ABCC4: variants seen among roughly 807,000 people sequenced by gnomAD.
The protein encoded by ABCC4 is ATP-binding cassette sub-family C member 4.
In ABCC4, 102 loss-of-function variants were observed where a neutral mutation model predicts 168.5. The ratio of observed to expected loss-of-function variants is 0.61; its 90% confidence interval spans 0.52 to 0.71. ABCC4 has a LOEUF of 0.71. ABCC4 is among the 30% of genes least tolerant of loss of function. ABCC4 has a pLI of 0.00. For synonymous variants in ABCC4, 617 were observed against 590.7 expected, an observed-to-expected ratio of 1.04 and a Z score of -0.65; for missense variants, 1,402 against 1,605.8, an observed-to-expected ratio of 0.87 and a Z score of 2.17.
At chr13:95,042,542 A>C (rs2032406106) in intron 29 of ABCC4, among the ~76,000 whole-genome samples, 3 of 152,226 alleles carry the variant, frequency 2.0e-5, no homozygotes, top group Non-Finnish European at 4.4e-5. Context: ...TGCTTTGTAG[A>C]ACCATGTTCA....
intron 25 of ABCC4, among the ~76,000 whole-genome samples, chr13:95,068,243 A>T (rs1020823464): frequency 1.6e-4 from 25 of 152,176 alleles, no homozygotes; most frequent in African/African-American, 5.1e-4. Flanking sequence ...GAATATACAC[A>T]CAAAAAGTGG....
intron 19 of ABCC4, among the ~76,000 whole-genome samples, chr13:95,124,768 C>T (rs936143412): frequency 6.9e-6 from 1 of 144,792 alleles, no homozygotes; most frequent in Non-Finnish European, 1.5e-5. Context: ...GTAGTCCCGG[C>T]TACTCGTGAG....
intron 15 of ABCC4, 94 bp from the exon 16 acceptor site, chr13:95,164,612 A>G (rs2037212159): frequency 7.2e-7 from 1 of 1,382,730 alleles, no homozygotes; most frequent in Non-Finnish European, 1.0e-6. Context: ...GTGGGGAAAC[A>G]GGCAGAAGTC....
chr13:95,233,433 G>A (rs1216581710), intron 4 of ABCC4, among the ~76,000 whole-genome samples: 1 of 152,004 alleles, frequency 6.6e-6, no homozygotes, highest in Non-Finnish European at 1.5e-5. Flanking sequence ...TCACTTATAA[G>A]TGGGAGGTAA....
intron 1 of ABCC4, among the ~76,000 whole-genome samples, chr13:95,284,418 G>T (rs1208917076): frequency 1.3e-5 from 2 of 151,864 alleles, no homozygotes; most frequent in Non-Finnish European, 2.9e-5. Context: ...CAAACTCCTA[G>T]GCTCAAGCTA....
chr13:95,113,091 C>T (rs1488168687), intron 20 of ABCC4, among the ~76,000 whole-genome samples: 1 of 152,176 alleles, frequency 6.6e-6, no homozygotes, highest in African/African-American at 2.4e-5. Context: ...ATCAGGCTTC[C>T]TGTATGGCTC....
chr13:95,164,570 C>A, intron 15 of ABCC4, 52 bp from the exon 16 acceptor site: 1 of 1,586,300 alleles, frequency 6.3e-7, no homozygotes, highest in South Asian at 1.1e-5. Flanking sequence ...AAACTGTTCC[C>A]AAAGATGACA....
chr13:95,208,874 C>T (rs2139680432), intron 6 of ABCC4, among the ~76,000 whole-genome samples: 1 of 152,214 alleles, frequency 6.6e-6, no homozygotes, highest in South Asian at 2.1e-4. Flanking sequence ...CCTGCCTTGG[C>T]CTCCCAAAGT....
rs1221503594 is a variant in ABCC4, at chr13:95,210,599, T to C, written c.621+93A>G. ...CTATGATCCTGCCACTGCAATCCAGTGTGAACAGAGTGAGCCCCTGCCTCC... is the reference window on the plus strand; with the variant it reads ...CTATGATCCTGCCACTGCAATCCAGCGTGAACAGAGTGAGCCCCTGCCTCC... On this transcript the variant is annotated intron_variant, in intron 5 of 30. Transcript: ENST00000645237. The C allele has an allele frequency of 2.9e-6, 3 of 1,028,352 alleles. No individual in the cohort carries two copies. The African/African-American group carries it at 5.8e-5, about 20-fold the overall frequency. 63.7% of individuals were successfully genotyped at this position (1,028,352 alleles called of 1,614,324 possible).
chr13:95,246,011 C>G (rs920867071), intron 3 of ABCC4, among the ~76,000 whole-genome samples: 3 of 152,014 alleles, frequency 2.0e-5, no homozygotes, highest in Non-Finnish European at 4.4e-5. Flanking sequence ...TAAGGTAGCA[C>G]AGAGGACACA....
chr13:95,291,855 G>A lies in ABCC4; in HGVS notation c.74+9386C>T, dbSNP rs542215543. ...CCAGCTACTCGGGAGGCTGAGGCAC[G>A]AGAATTGCTTGAACCAGAAGGTGGA... On this transcript the variant is annotated intron_variant, in intron 1 of 30. Transcript: ENST00000645237. Among the ~76,000 whole-genome samples the A allele has an allele frequency of 4.6e-5, 7 of 152,234 alleles. No individual in the cohort carries two copies. The East Asian group carries it at 9.7e-4, about 21-fold the overall frequency.
chr13:95,072,477 C>G (rs375678750), intron 24 of ABCC4, among the ~76,000 whole-genome samples: 7 of 152,078 alleles, frequency 4.6e-5, no homozygotes, highest in Admixed American at 2.0e-4. Context: ...CCCTACCCCC[C>G]AAAAAAGAAT....
chr13:95,108,346 T>C (rs750115574), intron 20 of ABCC4, among the ~76,000 whole-genome samples: 1 of 152,122 alleles, frequency 6.6e-6, no homozygotes, highest in Non-Finnish European at 1.5e-5. Context: ...ATAGATATGG[T>C]TTGGCTGTGT....
chr13:95,232,568 TC>T (rs1324706147), intron 4 of ABCC4, among the ~76,000 whole-genome samples: 3 of 150,812 alleles, frequency 2.0e-5, no homozygotes, highest in Non-Finnish European at 4.4e-5. Context: ...TCCCAGCTAC[TC>T]GGCAGGCTGA....
chr13:95,160,991 G>GCCCCCCCCC (rs139755003), intron 19 of ABCC4, among the ~76,000 whole-genome samples, 198 bp downstream of exon 19: 2 of 146,986 alleles, frequency 1.4e-5, no homozygotes, highest in African/African-American at 2.5e-5. Context: ...AAGATTGTAT[G>GCCCCCCCCC]CCCCCCCCTC....
intron 20 of ABCC4, among the ~76,000 whole-genome samples, chr13:95,088,246 C>T (rs7981900): frequency 0.013 from 1,960 of 152,156 alleles, 40 homozygotes; most frequent in African/African-American, 0.045. Flanking sequence ...AGGCTGAAGT[C>T]CGTCTATATG....
At chr13:95,062,645 G>A in intron 26 of ABCC4, 59 bp downstream of exon 26, 3 of 1,437,652 alleles carry the variant, frequency 2.1e-6, no homozygotes, top group South Asian at 1.4e-5. Flanking sequence ...AAGAGTAAAA[G>A]CAATTAAACA....
intron 9 of ABCC4, among the ~76,000 whole-genome samples, chr13:95,189,545 C>A (rs920281279): frequency 5.9e-5 from 9 of 152,148 alleles, no homozygotes; most frequent in South Asian, 2.1e-4. Flanking sequence ...ACATGGCATG[C>A]CCAGTCCTTG....
chr13:95,214,213 C>T (rs7987653), intron 4 of ABCC4, among the ~76,000 whole-genome samples: 113,360 of 152,050 alleles, frequency 0.75, 43,067 homozygotes, highest in Non-Finnish European at 0.84. Context: ...GCTAACCCTT[C>T]CTTCTATAGT....
Sources: gnomAD v4.1 joint callset for allele counts (sites outside exome capture counted in the v4.1 genomes callset) on GRCh38, gnomAD v4.1.1 for gene constraint, MANE v1.5 for transcripts, NCBI Gene and HGNC (gene_info 2026-07-23, HGNC 2026-07-21) for gene names.